The following CLASP1 variants were observed in gnomAD, a reference collection of about 807,000 sequenced individuals.
CLASP1 encodes the protein CLIP-associating protein 1.
In CLASP1, 38 loss-of-function variants were observed where a neutral mutation model predicts 192.3. The ratio of observed to expected loss-of-function variants is 0.20; its 90% CI spans 0.15 to 0.26. The LOEUF is 0.26. Among genes scored for constraint, CLASP1 ranks in the 10% least tolerant of loss-of-function variants. The pLI is 1.00. For synonymous variants in CLASP1, 691 were observed against 712.8 expected, an observed-to-expected ratio of 0.97 and a Z score of 0.49; for missense variants, 1,433 against 1,932.5, an observed-to-expected ratio of 0.74 and a Z score of 4.85.
At position 121,638,412 on chromosome 2, in the gene CLASP1, C is replaced by A. The variant is rs193206971; in HGVS notation, c.-286+10960G>T. 1.7e-3 allele frequency among the ~76,000 whole-genome samples: 263 copies of A among 152,220 alleles called. 1 individual carries two copies. In the South Asian group the frequency reaches 0.018, roughly 10 times the overall value. ...GGTACAGCCACTGTGAAAAACAGTT[C>A]AGCAATTGTTCCAGAAAGTTACAAC... On this transcript the variant is annotated intron_variant, in intron 1 of 39. Coordinates refer to ENST00000263710, the Ensembl canonical transcript of CLASP1.
intron 8 of CLASP1, among the ~76,000 whole-genome samples, chr2:121,487,600 T>A (rs1269066944): frequency 6.6e-6 from 1 of 152,178 alleles, no homozygotes; most frequent in African/African-American, 2.4e-5. Flanking sequence ...TTAGGGAGTT[T>A]ACAGAATATC....
intron 8 of CLASP1, among the ~76,000 whole-genome samples, chr2:121,486,409 ATC>A (rs1399254330): frequency 2.0e-5 from 3 of 152,318 alleles, no homozygotes; most frequent in East Asian, 1.9e-4. Context: ...ACCTTAGATA[ATC>A]TCTGAGTGTC....
intron 32 of CLASP1, among the ~76,000 whole-genome samples, chr2:121,382,894 C>A (rs1057415721): frequency 6.6e-6 from 1 of 152,150 alleles, no homozygotes; most frequent in Non-Finnish European, 1.5e-5. Context: ...CAAGCTGTTT[C>A]CTTCTGAAAC....
At chr2:121,500,399 A>AG (rs1553601145) in intron 8 of CLASP1, among the ~76,000 whole-genome samples, 146 of 149,664 alleles carry the variant, frequency 9.8e-4, no homozygotes, top group African/African-American at 3.4e-3. Flanking sequence ...AAAGAAAGAA[A>AG]AGAAAGAAAG....
At chr2:121,541,435 G>C (rs2095231312) in intron 2 of CLASP1, among the ~76,000 whole-genome samples, 1 of 152,182 alleles carries the variant, frequency 6.6e-6, no homozygotes, top group South Asian at 2.1e-4. Context: ...GACTTATCCA[G>C]GGTTGTAAAG....
rs1265124167 is a variant in CLASP1 at position 121,409,257 on chromosome 2, G to C, written c.2425-1542C>G. Among the ~76,000 whole-genome samples, 4 of 152,280 alleles carry C rather than the reference G, an allele frequency of 2.6e-5. No homozygotes were observed. In the South Asian group the frequency reaches 8.3e-4, roughly 32 times the overall value. ...CCTAACCCTCCTCCACGTCTCAGAA[G>C]ACCTTCTGGTAACTTGCTGTAATTC... On this transcript the variant is annotated intron_variant, in intron 24 of 39. Coordinates refer to ENST00000263710, the Ensembl canonical transcript of CLASP1.
At chr2:121,643,358 G>A (rs1179108087) in intron 1 of CLASP1, among the ~76,000 whole-genome samples, 1 of 152,144 alleles carries the variant, frequency 6.6e-6, no homozygotes, top group East Asian at 1.9e-4. Flanking sequence ...TTCAATATAA[G>A]CCAAGATGAT....
chr2:121,365,306 A>G, intron 35 of CLASP1, 22 bp from the exon 37 acceptor site: 1 of 1,601,968 alleles, frequency 6.2e-7, no homozygotes, highest in Non-Finnish European at 8.5e-7. Context: ...CACCAGACAT[A>G]CGTCACCTCG....
intron 2 of CLASP1, among the ~76,000 whole-genome samples, chr2:121,536,614 CT>C (rs2104929005): frequency 6.6e-6 from 1 of 151,536 alleles, no homozygotes; most frequent in Admixed American, 6.6e-5. Context: ...TACAATGGAA[CT>C]TTAGGCCTTT....
chr2:121,423,534 T>A (rs1177790673), intron 22 of CLASP1, among the ~76,000 whole-genome samples: 1 of 152,148 alleles, frequency 6.6e-6, no homozygotes, highest in Non-Finnish European at 1.5e-5. Context: ...TTTAAATGTA[T>A]AAAACTAACA....
intron 25 of CLASP1, among the ~76,000 whole-genome samples, chr2:121,405,961 G>A (rs1362195806): frequency 1.3e-5 from 2 of 152,156 alleles, no homozygotes; most frequent in Non-Finnish European, 2.9e-5. Flanking sequence ...GAACCCAAGA[G>A]GGATGCCCAT....
rs184141286 is a variant in CLASP1, at chr2:121,344,395, G to A, written c.4530+2643C>T. 6.7e-3 allele frequency among the ~76,000 whole-genome samples: 1,014 copies of A among 151,744 alleles called. 4 individuals carry two copies. The highest frequency in any genetic ancestry group is 0.011 in the Non-Finnish European group (722 of 67,946). Reference sequence around the variant, plus strand: ...CACCCAGGCTGGAGTGCAGTGGTGCGTTCTTGGCTCACTGCAACCTCCACC... The same window carrying A: ...CACCCAGGCTGGAGTGCAGTGGTGCATTCTTGGCTCACTGCAACCTCCACC... On this transcript the variant is annotated intron_variant, in intron 39 of 39. Coordinates refer to ENST00000263710, the Ensembl canonical transcript of CLASP1.
At chr2:121,618,310 A>G (rs1158246601) in intron 1 of CLASP1, among the ~76,000 whole-genome samples, 1 of 152,276 alleles carries the variant, frequency 6.6e-6, no homozygotes, top group Non-Finnish European at 1.5e-5. Flanking sequence ...ACTGGCAGTC[A>G]TAAGTTGAGT....
At chr2:121,582,204 A>G (rs1227781454) in intron 2 of CLASP1, among the ~76,000 whole-genome samples, 1 of 151,840 alleles carries the variant, frequency 6.6e-6, no homozygotes, top group African/African-American at 2.4e-5. Flanking sequence ...AAAGGAAGAA[A>G]AAAAGAAAAA....
exon 9 of CLASP1, chr2:121,469,945 T>A (rs764108132): frequency 1.9e-6 from 3 of 1,611,020 alleles, no homozygotes; most frequent in Non-Finnish European, 2.5e-6. Context: ...AGAATCTTCA[T>A]CGTCGAAATT....
intron 2 of CLASP1, among the ~76,000 whole-genome samples, chr2:121,594,795 G>A (rs1167853816): frequency 6.6e-6 from 1 of 152,158 alleles, no homozygotes; most frequent in Non-Finnish European, 1.5e-5. Flanking sequence ...TTGCAGTGAA[G>A]CACTGTGTCT....
At chr2:121,559,464 T>C (rs544543786) in intron 2 of CLASP1, among the ~76,000 whole-genome samples, 53 of 152,258 alleles carry the variant, frequency 3.5e-4, no homozygotes, top group Non-Finnish European at 3.1e-4. Context: ...TGACAAAATG[T>C]GGTATACCTA....
At chr2:121,527,171 G>T (rs1038033406) in intron 5 of CLASP1, among the ~76,000 whole-genome samples, 1 of 152,214 alleles carries the variant, frequency 6.6e-6, no homozygotes, top group African/African-American at 2.4e-5. Flanking sequence ...TTATGTTCAT[G>T]TAGAAACTTG....
chr2:121,641,188 G>C (rs1189077149), intron 1 of CLASP1, among the ~76,000 whole-genome samples: 1 of 152,124 alleles, frequency 6.6e-6, no homozygotes, highest in African/African-American at 2.4e-5. Flanking sequence ...ACAGGCCTCT[G>C]TTAGCATGTC....
Sources: gnomAD v4.1 joint callset for allele counts (sites outside exome capture counted in the v4.1 genomes callset) on GRCh38, gnomAD v4.1.1 for gene constraint, MANE v1.5 for transcripts, NCBI Gene and HGNC (gene_info 2026-07-23, HGNC 2026-07-21) for gene names.